The following USP40 variants were observed in gnomAD, a reference collection of about 807,000 sequenced individuals.
USP40 encodes ubiquitin specific peptidase 40.
A neutral mutation model predicts 166.2 loss-of-function variants in USP40; 143 were observed. That is an observed-to-expected ratio of 0.86 (90% CI 0.75 to 0.99). The LOEUF (loss-of-function observed/expected upper bound fraction) is 0.99, where lower values mean the gene tolerates loss of function less well. Ranked by LOEUF, USP40 falls within the 50% of genes least tolerant of loss-of-function variation. The probability of loss-of-function intolerance (pLI) is 0.00; values close to 1 mark genes in which losing one functional copy is unlikely to be tolerated. For missense variants in USP40, 1,444 were observed against 1,479.7 expected (o/e 0.98, Z 0.40); for synonymous variants, 498 against 524.0 (o/e 0.95, Z 0.68).
At chr2:233,510,160 T>C (rs747979914) in intron 20 of USP40, 25 bp from the exon 21 acceptor site, 16 of 1,513,452 alleles carry the variant, frequency 1.1e-5, no homozygotes, top group East Asian at 2.3e-5. Flanking sequence ...GATGTGTAAA[T>C]GCAATTTAAT....
At position 233,498,631 on chromosome 2, in the gene USP40, T is replaced by C; in HGVS notation, c.2651-19A>G. On this transcript the variant is annotated intron_variant, in intron 22 of 31. Coordinates refer to ENST00000678225, the MANE Select transcript of USP40 (RefSeq NM_001365479.2). ...GCATCTCCTATAAAGGAGTCAAAAT[T>C]GGGATAAAAAAAATTCAAAGTTAGG... 1 of 1,608,668 alleles carries C rather than the reference T, an allele frequency of 6.2e-7. No individual in the cohort carries two copies. Among genetic ancestry groups the C allele is most frequent in the Non-Finnish European group, 8.5e-7 (1 of 1,177,762 alleles).
chr2:233,501,495 GC>G (rs2066067855), intron 21 of USP40, among the ~76,000 whole-genome samples: 1 of 152,184 alleles, frequency 6.6e-6, no homozygotes, highest in African/African-American at 2.4e-5. Flanking sequence ...CCTGGGAAGT[GC>G]AAGGCTATAA....
rs1477108740 is a variant in USP40 at position 233,521,078 on chromosome 2, C to A, written c.2238G>T (p.Met746Ile). 6.2e-7 allele frequency: 1 copy of A among 1,610,386 alleles called. No individual in the cohort carries two copies. Among genetic ancestry groups the A allele is most frequent in the Non-Finnish European group, 8.5e-7 (1 of 1,178,476 alleles). The change falls in exon 17 of 32, where the codon ATG becomes ATT. Residue 746 changes from methionine to isoleucine, a missense_variant. Met to Ile is a conservative substitution (Grantham distance 10, BLOSUM62 1). Transcript: ENST00000678225. ...LTKEEKWVTS[M>I]NEIDWLHVKN... is the part of the protein sequence containing the mutation. ...TAACGTGGAGCCAGTCAATCTCATTCATACTAGTGACCCATTTCTCTTCCT... is the reference window on the plus strand; with the variant it reads ...TAACGTGGAGCCAGTCAATCTCATTAATACTAGTGACCCATTTCTCTTCCT...
rs1363836063 is a variant in USP40 at position 233,554,503 on chromosome 2, T to C, written c.570A>G (p.Val190=). Residue 190 remains valine, a synonymous_variant, in exon 6 of 32, where the codon GTA becomes GTG. Coordinates refer to ENST00000678225, the MANE Select transcript of USP40 (RefSeq NM_001365479.2). ...ERQEDFLDLT[V]AVKNVSGLED... is the part of the protein sequence containing the mutation. Reference sequence around the variant, plus strand: ...CCAAACCGGATACATTTTTGACTGCTACTGTTAGATCTAAGAAGTCTTCCT... The same window carrying C: ...CCAAACCGGATACATTTTTGACTGCCACTGTTAGATCTAAGAAGTCTTCCT... 2 of 1,610,780 alleles carry C rather than the reference T, an allele frequency of 1.2e-6. No homozygotes were observed.
chr2:233,485,835 G>A lies in USP40; in HGVS notation c.3340C>T (p.Pro1114Ser). 1 of 1,611,360 alleles carries A rather than the reference G, an allele frequency of 6.2e-7. No homozygotes were observed. The highest frequency in any genetic ancestry group is 8.5e-7 in the Non-Finnish European group (1 of 1,179,086). Residue 1114 changes from proline (P) to serine (S), a missense_variant, in exon 29 of 32, where the codon CCC (proline) becomes TCC (serine). Transcript: ENST00000678225. Reference sequence around the variant, plus strand: ...TTGGCAATTTCAATCTTCTCCACGGGAAGACGATAGAAATCGGCAACTCTC... The same window carrying A: ...TTGGCAATTTCAATCTTCTCCACGGAAAGACGATAGAAATCGGCAACTCTC... ...RQRVADFYRL[P>S]VEKIEIAKYF...
intron 7 of USP40, among the ~76,000 whole-genome samples, chr2:233,549,476 T>C (rs763360200): frequency 1.5e-4 from 23 of 152,036 alleles, no homozygotes; most frequent in Non-Finnish European, 2.9e-4. Context: ...ACCTGAAAAA[T>C]ACGTTACTTT....
chr2:233,543,562 C>A (rs2069620825), intron 8 of USP40, among the ~76,000 whole-genome samples: 1 of 152,168 alleles, frequency 6.6e-6, no homozygotes, highest in Non-Finnish European at 1.5e-5. Flanking sequence ...ATAATTAGGT[C>A]ACAAAAGATG....
chr2:233,513,382 T>C (rs2066961330), intron 18 of USP40, among the ~76,000 whole-genome samples: 1 of 152,222 alleles, frequency 6.6e-6, no homozygotes, highest in Non-Finnish European at 1.5e-5. Context: ...GGTTTAGCAC[T>C]ACAACACAAC....
Position 233,540,529 on chromosome 2 carries a change from T to C in USP40, c.1170+133A>G, listed in dbSNP as rs866742875. ...TACTTAATAAGTAACTTAGTAGGAT[T>C]CTAGCCATTATACAAATACGGTGAT... is the stretch of plus-strand genomic sequence containing the variant. On this transcript the variant is annotated intron_variant, in intron 10 of 31. Coordinates refer to ENST00000678225, the MANE Select transcript of USP40 (RefSeq NM_001365479.2). 1.6e-4 allele frequency: 92 copies of C among 574,330 alleles called. 2 individuals are homozygous for C. In the Middle Eastern group the frequency reaches 7.1e-3, roughly 44 times the overall value. 35.6% of individuals were successfully genotyped at this position (574,330 alleles called of 1,614,324 possible).
At chr2:233,503,489 C>A (rs1165225643) in intron 21 of USP40, among the ~76,000 whole-genome samples, 1 of 151,988 alleles carries the variant, frequency 6.6e-6, no homozygotes, top group Non-Finnish European at 1.5e-5. Context: ...ATAAGACTCT[C>A]AAAAGTTAAA....
chr2:233,517,781 GGTGTGTGTGTGTGTGTGTGT>G (rs111938537), intron 18 of USP40, among the ~76,000 whole-genome samples: 4 of 142,172 alleles, frequency 2.8e-5, no homozygotes, highest in African/African-American at 1.0e-4. Context: ...AAGAAACTGT[GGTGTGTGTGTGTGTGTGTGT>G]GTGTGTGTGT....
intron 18 of USP40, among the ~76,000 whole-genome samples, chr2:233,517,827 T>A (rs2067344914): frequency 7.1e-6 from 1 of 141,004 alleles, no homozygotes; most frequent in South Asian, 2.3e-4. Context: ...TGTGTGTGTA[T>A]GATGGAATAC....
chr2:233,534,808 C>T (rs939486348), intron 10 of USP40, among the ~76,000 whole-genome samples: 2 of 152,108 alleles, frequency 1.3e-5, no homozygotes, highest in Admixed American at 6.5e-5. Flanking sequence ...TATATAGCCA[C>T]GTTTTTCTTT....
At chr2:233,532,343 T>C (rs1286538025) in intron 11 of USP40, among the ~76,000 whole-genome samples, 3 of 152,178 alleles carry the variant, frequency 2.0e-5, no homozygotes, top group African/African-American at 4.8e-5. Flanking sequence ...AATCAGATGT[T>C]TGCACATGAT....
chr2:233,555,598 C>T (rs10803653), intron 5 of USP40, among the ~76,000 whole-genome samples: 107,152 of 150,978 alleles, frequency 0.71, 39,304 homozygotes, highest in East Asian at 0.87. Flanking sequence ...CAAAGACACA[C>T]GCAACATCTT....
chr2:233,502,336 T>A (rs1008674120), intron 21 of USP40, among the ~76,000 whole-genome samples: 1 of 152,194 alleles, frequency 6.6e-6, no homozygotes, highest in East Asian at 1.9e-4. Context: ...AGGTTGAGTA[T>A]CCCTTATTTG....
chr2:233,564,672 A>T (rs1353666977), intron 2 of USP40, among the ~76,000 whole-genome samples: 2 of 152,158 alleles, frequency 1.3e-5, no homozygotes, highest in East Asian at 3.8e-4. Context: ...CAGAATTTCC[A>T]GAGTTTATAA....
At chr2:233,497,014 T>G (rs1327108639) in intron 23 of USP40, among the ~76,000 whole-genome samples, 182 bp from the exon 24 acceptor site, 1 of 152,182 alleles carries the variant, frequency 6.6e-6, no homozygotes, top group Non-Finnish European at 1.5e-5. Flanking sequence ...TGTTAAATTG[T>G]GGGGCATAAG....
At chr2:233,497,573 G>A (rs2125098597) in intron 23 of USP40, among the ~76,000 whole-genome samples, 1 of 152,300 alleles carries the variant, frequency 6.6e-6, no homozygotes, top group African/African-American at 2.4e-5. Context: ...AGATTAGGAT[G>A]GGAAAGATAC....
Sources: allele counts gnomAD v4.1 joint callset (sites outside exome capture counted in the v4.1 genomes callset), GRCh38; gene constraint gnomAD v4.1.1; transcripts MANE v1.5; gene names NCBI Gene and HGNC (gene_info 2026-07-23, HGNC 2026-07-21).